HS2ST1: variants seen among roughly 807,000 people sequenced by gnomAD.
The protein encoded by HS2ST1 is 2-O-sulfotransferase.
Under a neutral mutation model 42.9 loss-of-function variants are expected in HS2ST1, and 18 were observed. The observed-to-expected ratio is 0.42, with a 90% CI of 0.29 to 0.62. HS2ST1 has a LOEUF of 0.62. Among genes scored for constraint, HS2ST1 ranks in the 20% least tolerant of loss-of-function variants. HS2ST1 has a pLI of 0.21. For missense variants in HS2ST1, 334 were observed against 433.8 expected (o/e 0.77, Z 2.04); for synonymous variants, 146 against 152.9 (o/e 0.95, Z 0.33).
At position 86,914,684 on chromosome 1, in the gene HS2ST1, G is replaced by GGGAA. The variant is rs1176106158; in HGVS notation, c.-343_-340dup. The GGGAA allele has an allele frequency of 3.0e-5, 8 of 264,976 alleles. No homozygotes were observed. Among genetic ancestry groups the GGGAA allele is most frequent in the African/African-American group, 4.6e-5 (2 of 43,408 alleles). 16.4% of individuals were successfully genotyped at this position (264,976 alleles called of 1,614,324 possible). On this transcript the variant is annotated 5_prime_UTR_variant, in exon 1 of 7. Transcript: ENST00000370550. Reference sequence around the variant, plus strand: ...CGCGCGGCCGCGAGCAAAGGAGGGAGGGAAGGAAGGAAGAGAGGGAGGCGG... The same window carrying GGGAA: ...CGCGCGGCCGCGAGCAAAGGAGGGAGGGAAGGAAGGAAGGAAGAGAGGGAGGCGG...
chr1:86,929,323 C>T (rs2069922898), intron 1 of HS2ST1, among the ~76,000 whole-genome samples: 1 of 151,808 alleles, frequency 6.6e-6, no homozygotes, highest in Non-Finnish European at 1.5e-5. Flanking sequence ...CATAGGATGA[C>T]ACTTGTCTGA....
At chr1:87,045,698 A>G in intron 1 of HS2ST1, 1 of 794,056 alleles carries the variant, frequency 1.3e-6, no homozygotes, top group Non-Finnish European at 2.3e-6. Flanking sequence ...CAATAGCAGG[A>G]ATAATATTCC....
intron 1 of HS2ST1, among the ~76,000 whole-genome samples, chr1:87,002,147 C>T (rs998405376): frequency 3.3e-5 from 5 of 149,344 alleles, no homozygotes; most frequent in African/African-American, 7.4e-5. Context: ...CTCCTGACCT[C>T]GTGATCCACC....
At chr1:86,956,942 A>T (rs1647694264) in intron 1 of HS2ST1, among the ~76,000 whole-genome samples, 1 of 152,184 alleles carries the variant, frequency 6.6e-6, no homozygotes, top group Non-Finnish European at 1.5e-5. Flanking sequence ...TGGACAGTAA[A>T]AATACATTAT....
chr1:87,098,830 G>A (rs1355596605), intron 5 of HS2ST1, among the ~76,000 whole-genome samples: 3 of 152,090 alleles, frequency 2.0e-5, no homozygotes, highest in Non-Finnish European at 4.4e-5. Flanking sequence ...CACACAAGCT[G>A]GAGTGCAGGG....
At chr1:87,078,077 A>C (rs1265532280) in intron 2 of HS2ST1, among the ~76,000 whole-genome samples, 1 of 152,224 alleles carries the variant, frequency 6.6e-6, no homozygotes, top group East Asian at 1.9e-4. Flanking sequence ...TAAATGCATG[A>C]GTGGGAGTTT....
chr1:86,937,019 C>T (rs1264959613), intron 1 of HS2ST1, among the ~76,000 whole-genome samples: 1 of 151,264 alleles, frequency 6.6e-6, no homozygotes, highest in East Asian at 1.9e-4. Context: ...GCAGGACAAT[C>T]GCTTGAACCC....
chr1:87,014,784 G>C (rs1649702324), intron 1 of HS2ST1, among the ~76,000 whole-genome samples: 1 of 152,102 alleles, frequency 6.6e-6, no homozygotes, highest in Non-Finnish European at 1.5e-5. Context: ...TCCAACCTTT[G>C]ACTCGTGTCA....
intron 1 of HS2ST1, among the ~76,000 whole-genome samples, chr1:87,011,479 A>C (rs1649596455): frequency 6.6e-6 from 1 of 150,858 alleles, no homozygotes; most frequent in Admixed American, 6.6e-5. Flanking sequence ...CCTGGGCTCA[A>C]GTGATCTTGA....
At chr1:86,939,426 G>C (rs1660719751) in intron 1 of HS2ST1, among the ~76,000 whole-genome samples, 1 of 152,094 alleles carries the variant, frequency 6.6e-6, no homozygotes, top group Non-Finnish European at 1.5e-5. Context: ...ATTACTGTTT[G>C]TTGTCCCACA....
At chr1:86,919,423 T>C (rs1660243212) in intron 1 of HS2ST1, among the ~76,000 whole-genome samples, 2 of 152,242 alleles carry the variant, frequency 1.3e-5, no homozygotes, top group South Asian at 4.1e-4. Flanking sequence ...TATTTTATTA[T>C]AGTATTTTAT....
chr1:87,064,055 G>C (rs1651185652), intron 1 of HS2ST1, among the ~76,000 whole-genome samples: 1 of 152,200 alleles, frequency 6.6e-6, no homozygotes, highest in South Asian at 2.1e-4. Flanking sequence ...CATTGTGAGG[G>C]TGGAAGTCTA....
chr1:87,010,516 G>GT (rs986301620), intron 1 of HS2ST1, among the ~76,000 whole-genome samples: 20 of 151,716 alleles, frequency 1.3e-4, no homozygotes, highest in African/African-American at 2.7e-4. Flanking sequence ...TTCCCTCCTT[G>GT]TTTTTTTTGT....
At chr1:86,943,105 A>G (rs951839607) in intron 1 of HS2ST1, among the ~76,000 whole-genome samples, 1 of 152,232 alleles carries the variant, frequency 6.6e-6, no homozygotes, top group African/African-American at 2.4e-5. Flanking sequence ...TATTGAAAGA[A>G]TGTTAATAAC....
At chr1:87,048,742 A>G (rs950776499) in intron 1 of HS2ST1, among the ~76,000 whole-genome samples, 2 of 152,120 alleles carry the variant, frequency 1.3e-5, no homozygotes, top group African/African-American at 4.8e-5. Context: ...ATTAAGATGA[A>G]TACGTGGTCT....
intron 1 of HS2ST1, among the ~76,000 whole-genome samples, chr1:86,985,597 G>A: frequency 6.8e-6 from 1 of 147,108 alleles, no homozygotes; most frequent in Non-Finnish European, 1.5e-5. Flanking sequence ...TTTCAATCTT[G>A]GTATACATTT....
intron 1 of HS2ST1, among the ~76,000 whole-genome samples, chr1:86,986,308 A>G (rs1285671786): frequency 3.9e-5 from 6 of 152,070 alleles, no homozygotes; most frequent in African/African-American, 1.2e-4. Flanking sequence ...TCTTAGTTAT[A>G]CTTTGTCAGC....
intron 1 of HS2ST1, among the ~76,000 whole-genome samples, chr1:87,044,295 A>G (rs1650591351): frequency 6.6e-6 from 1 of 152,152 alleles, no homozygotes; most frequent in African/African-American, 2.4e-5. Flanking sequence ...GATGCCATTT[A>G]TTTGGTCCAT....
At chr1:87,019,846 C>T (rs909341632) in intron 1 of HS2ST1, among the ~76,000 whole-genome samples, 1 of 152,162 alleles carries the variant, frequency 6.6e-6, no homozygotes, top group African/African-American at 2.4e-5. Context: ...CTGAATAATA[C>T]TACAATTTGA....
Sources: gnomAD v4.1 joint callset for allele counts (sites outside exome capture counted in the v4.1 genomes callset) on GRCh38, gnomAD v4.1.1 for gene constraint, MANE v1.5 for transcripts, NCBI Gene and HGNC (gene_info 2026-07-23, HGNC 2026-07-21) for gene names.